Variants in ACOT7 observed in about 807,000 individuals in gnomAD.
ACOT7 encodes the protein cytosolic acyl coenzyme A thioester hydrolase.
A neutral mutation model predicts 40.2 loss-of-function variants in ACOT7; 12 were observed. The ratio of observed to expected loss-of-function variants is 0.30; its 90% CI spans 0.19 to 0.48. The LOEUF is 0.48. ACOT7 is among the 20% of genes least tolerant of loss of function. The probability of loss-of-function intolerance (pLI) is 0.99; values close to 1 mark genes in which losing one functional copy is unlikely to be tolerated. For missense variants in ACOT7, 395 were observed against 530.8 expected (o/e 0.74, Z 2.51); for synonymous variants, 228 against 219.5 (o/e 1.04, Z -0.34).
At chr1:6,305,144 C>T (rs1397851154) in intron 6 of ACOT7, among the ~76,000 whole-genome samples, 1 of 147,020 alleles carries the variant, frequency 6.8e-6, no homozygotes, top group African/African-American at 2.6e-5. Flanking sequence ...CCAGTAGGGG[C>T]GGCCGGGCAG....
At chr1:6,297,294 T>A (rs551667815) in intron 6 of ACOT7, among the ~76,000 whole-genome samples, 1 of 152,236 alleles carries the variant, frequency 6.6e-6, no homozygotes, top group East Asian at 1.9e-4. Context: ...TGCCTCGGCC[T>A]CCCAAAGTGC....
intron 6 of ACOT7, among the ~76,000 whole-genome samples, chr1:6,304,260 C>T (rs962622322): frequency 1.6e-4 from 24 of 149,210 alleles, no homozygotes; most frequent in African/African-American, 5.7e-4. Context: ...GTATCTGCCA[C>T]GCATGCCCCT....
intron 8 of ACOT7, among the ~76,000 whole-genome samples, chr1:6,267,448 G>C (rs1329505982): frequency 1.3e-5 from 2 of 152,162 alleles, no homozygotes; most frequent in Admixed American, 6.5e-5. Flanking sequence ...AGGAAGGGCT[G>C]CCAGGTCAGG....
At chr1:6,323,749 T>A (rs1335811337) in intron 5 of ACOT7, among the ~76,000 whole-genome samples, 210 of 114,466 alleles carry the variant, frequency 1.8e-3, no homozygotes, top group African/African-American at 8.7e-3. Flanking sequence ...TATATATATA[T>A]ATATATATAT....
At chr1:6,389,930 C>T (rs931726804) in intron 1 of ACOT7, among the ~76,000 whole-genome samples, 4 of 152,190 alleles carry the variant, frequency 2.6e-5, no homozygotes, top group Admixed American at 1.3e-4. Context: ...ATTTTCCACA[C>T]GTTTCCCTCC....
chr1:6,385,702 A>G (rs777400493), intron 1 of ACOT7: 2 of 1,597,252 alleles, frequency 1.3e-6, no homozygotes, highest in Non-Finnish European at 1.7e-6. Flanking sequence ...ACCCAGTGAC[A>G]AGTATGATGC....
At chr1:6,346,099 C>T (rs922580203) in intron 2 of ACOT7, among the ~76,000 whole-genome samples, 8 of 152,160 alleles carry the variant, frequency 5.3e-5, no homozygotes, top group African/African-American at 1.2e-4. Context: ...CATGGCCGGA[C>T]GCTGTGTTTT....
intron 8 of ACOT7, among the ~76,000 whole-genome samples, chr1:6,271,469 C>G (rs893794409): frequency 2.0e-5 from 3 of 152,184 alleles, no homozygotes; most frequent in African/African-American, 7.2e-5. Flanking sequence ...TGAGGACACT[C>G]AGCACGGCCG....
In ACOT7 at chr1:6,355,216, T is replaced by C. The variant is rs1336743758; in HGVS notation, c.144-5350A>G. ...TAGGGGAGTGTAAGCGAATACCCAC[T>C]CACAGAGGGCACCCGGCACCACCCA... On this transcript the variant is annotated intron_variant, in intron 1 of 8. Coordinates refer to ENST00000361521, the MANE Select transcript of ACOT7 (RefSeq NM_007274.4). This position sits in a 1 kb window ranked among gnomAD's most constrained non-coding sequence, Gnocchi z 5.0. Among the ~76,000 whole-genome samples, 1 of 151,844 alleles carries C rather than the reference T, an allele frequency of 6.6e-6. No homozygotes were observed. Among genetic ancestry groups the C allele is most frequent in the African/African-American group, 2.4e-5 (1 of 41,304 alleles).
chr1:6,315,746 C>T (rs1354231583), intron 6 of ACOT7, among the ~76,000 whole-genome samples: 15 of 99,020 alleles, frequency 1.5e-4, no homozygotes, highest in African/African-American at 2.0e-4. Context: ...CAGAGTGAGA[C>T]TCTGTCTAAA....
intron 2 of ACOT7, among the ~76,000 whole-genome samples, chr1:6,346,608 A>G (rs1218182176): frequency 1.3e-5 from 2 of 152,252 alleles, no homozygotes; most frequent in East Asian, 3.8e-4. Flanking sequence ...TGGGCGAAAC[A>G]GGAGATCTGG....
chr1:6,340,173 A>G (rs934651480), intron 2 of ACOT7, among the ~76,000 whole-genome samples: 2 of 152,116 alleles, frequency 1.3e-5, no homozygotes, highest in East Asian at 1.9e-4. Context: ...TCTCCATGTT[A>G]GCCAGAATGG....
chr1:6,353,786 T>A (rs1641662334), intron 1 of ACOT7, among the ~76,000 whole-genome samples: 1 of 152,172 alleles, frequency 6.6e-6, no homozygotes, highest in African/African-American at 2.4e-5. Flanking sequence ...GAGTCTGACA[T>A]GTTATTCCTC....
intron 8 of ACOT7, 100 bp downstream of exon 8, chr1:6,281,002 C>T: frequency 1.4e-6 from 2 of 1,470,670 alleles, no homozygotes; most frequent in Non-Finnish European, 1.8e-6. Flanking sequence ...ACTGACAGGA[C>T]AGGACTCATG....
At chr1:6,317,728 CTTTTTTT>C (rs988852778) in intron 6 of ACOT7, among the ~76,000 whole-genome samples, 12 of 135,854 alleles carry the variant, frequency 8.8e-5, no homozygotes, top group African/African-American at 1.7e-4. Context: ...CAGAGTCTTT[CTTTTTTT>C]TTTTTTTTTT....
intron 4 of ACOT7, among the ~76,000 whole-genome samples, 173 bp from the exon 5 acceptor site, chr1:6,327,586 G>C (rs969591013): frequency 6.6e-6 from 1 of 152,128 alleles, no homozygotes; most frequent in Admixed American, 6.5e-5. Context: ...ATCCCATGTG[G>C]CTCCACTCCC....
intron 1 of ACOT7, among the ~76,000 whole-genome samples, chr1:6,354,504 C>G (rs1192218680): frequency 6.6e-6 from 1 of 152,232 alleles, no homozygotes; most frequent in Non-Finnish European, 1.5e-5. Context: ...GGCCTCAGGG[C>G]TGAGACAAAG....
intron 1 of ACOT7, among the ~76,000 whole-genome samples, chr1:6,365,642 C>T (rs916723725): frequency 6.6e-6 from 1 of 151,624 alleles, no homozygotes; most frequent in African/African-American, 2.4e-5. Flanking sequence ...GTAGTGGGCG[C>T]CTGTAGTCCC....
chr1:6,344,622 G>A (rs1641366582), intron 2 of ACOT7, among the ~76,000 whole-genome samples: 1 of 151,894 alleles, frequency 6.6e-6, no homozygotes, highest in African/African-American at 2.4e-5. Context: ...AAACTAGCCG[G>A]GTGTGGTGGC....
Sources: allele counts gnomAD v4.1 joint callset (sites outside exome capture counted in the v4.1 genomes callset), GRCh38; gene constraint gnomAD v4.1.1; non-coding constraint Gnocchi (gnomAD v3.1); transcripts MANE v1.5; gene names NCBI Gene and HGNC (gene_info 2026-07-23, HGNC 2026-07-21).